NGLY1: variants seen among roughly 807,000 people sequenced by gnomAD.
The protein encoded by NGLY1 is peptide-N(4)-(N-acetyl-beta-glucosaminyl)asparagine amidase.
Under a neutral mutation model 84.6 loss-of-function variants are expected in NGLY1, and 68 were observed. The ratio of observed to expected loss-of-function variants is 0.80; its 90% confidence interval spans 0.66 to 0.98. The LOEUF is 0.98. Ranked by LOEUF, NGLY1 falls within the 50% of genes least tolerant of loss-of-function variation. The pLI, the probability that NGLY1 is intolerant of heterozygous loss-of-function variation, is 0.00. For missense variants in NGLY1, 779 were observed against 770.2 expected (o/e 1.01, Z -0.14); for synonymous variants, 280 against 275.2 (o/e 1.02, Z -0.17).
chr3:25,788,537 T>C (rs1328650846), intron 1 of NGLY1, among the ~76,000 whole-genome samples: 2 of 152,184 alleles, frequency 1.3e-5, no homozygotes, highest in African/African-American at 2.4e-5. Flanking sequence ...AAAATGATGG[T>C]CTTTTTATTT....
intron 9 of NGLY1, chr3:25,730,527 C>T (rs1011381523): frequency 1.3e-5 from 2 of 152,102 alleles, no homozygotes; most frequent in African/African-American, 2.4e-5. Context: ...TAAATAATAT[C>T]CATGTTTTAA....
At chr3:25,755,766 G>A (rs530462636) in intron 3 of NGLY1, 90 of 795,396 alleles carry the variant, frequency 1.1e-4, no homozygotes, top group African/African-American at 1.0e-3. Flanking sequence ...AGATCTTCTC[G>A]TTTTACCTTA....
At chr3:25,719,673 G>A in intron 11 of NGLY1, 38 bp from the exon 12 acceptor site, 1 of 1,558,318 alleles carries the variant, frequency 6.4e-7, no homozygotes, top group Non-Finnish European at 8.8e-7. Context: ...TTTTGCTTTT[G>A]GTAATTTAAA....
In NGLY1 at chr3:25,720,153, A is replaced by G. The variant is rs7632806; in HGVS notation, c.1650T>C (p.Tyr550=). 2 of 1,614,004 alleles carry G rather than the reference A, an allele frequency of 1.2e-6. No homozygotes were observed. The highest frequency in any genetic ancestry group is 1.7e-5 in the Admixed American group (1 of 60,016). ...LARKEGSSFA[Y]ISWKFECGSV... ...ACCCACACTCAAACTTCCAGGAAAT[A>G]TAAGCAAAAGATGATCCTTCCTTTC... The change falls in exon 11 of 12, where the codon TAT becomes TAC. Residue 550 remains tyrosine (Y), a synonymous_variant. Coordinates refer to ENST00000280700, the MANE Select transcript of NGLY1 (RefSeq NM_018297.4).
chr3:25,752,160 A>G (rs1220125725), intron 3 of NGLY1, among the ~76,000 whole-genome samples: 1 of 152,232 alleles, frequency 6.6e-6, no homozygotes, highest in African/African-American at 2.4e-5. Flanking sequence ...AAAAGTTTCA[A>G]TAGTACACTA....
chr3:25,764,601 A>C (rs965764431), intron 2 of NGLY1, among the ~76,000 whole-genome samples: 4 of 151,338 alleles, frequency 2.6e-5, no homozygotes, highest in African/African-American at 4.8e-5. Context: ...TCTTCTAGAA[A>C]CAATAAGTCA....
exon 1 of NGLY1, chr3:25,789,910 C>T: frequency 6.4e-7 from 1 of 1,551,548 alleles, no homozygotes; most frequent in Non-Finnish European, 8.7e-7. Context: ...CACTGAGGTT[C>T]CGAGAGGGGC....
chr3:25,719,726 A>C (rs1017075210), intron 11 of NGLY1, 91 bp from the exon 12 acceptor site: 7 of 944,458 alleles, frequency 7.4e-6, no homozygotes, highest in African/African-American at 1.7e-5. Context: ...AGGCTGATGT[A>C]TAAGTTAAAA....
chr3:25,747,371 A>C (rs896848947), intron 4 of NGLY1, among the ~76,000 whole-genome samples: 16 of 152,224 alleles, frequency 1.1e-4, no homozygotes, highest in South Asian at 8.3e-4. Flanking sequence ...AAAACTGTTA[A>C]TACAAGAAGA....
At chr3:25,753,904 T>G (rs1386260253) in intron 3 of NGLY1, among the ~76,000 whole-genome samples, 1 of 152,158 alleles carries the variant, frequency 6.6e-6, no homozygotes, top group Non-Finnish European at 1.5e-5. Context: ...CATTACCAAA[T>G]ACTTACATGT....
Position 25,783,220 on chromosome 3 carries a change from C to T in NGLY1, c.131+40G>A. The stretch of plus-strand genomic sequence containing the variant: ...TGGCCGAACAAGGTGCCGCGGCCCA[C>T]CCACCCCGGTACCCGCCGTCCGACC... On this transcript the variant is annotated intron_variant, in intron 1 of 11. Transcript: ENST00000280700. The surrounding 1 kb of genome is among the most constrained non-coding windows in gnomAD (Gnocchi z 4.5). 1 of 1,561,882 alleles carries T rather than the reference C, an allele frequency of 6.4e-7. No homozygotes were observed. The highest frequency in any genetic ancestry group is 8.8e-7 in the Non-Finnish European group (1 of 1,138,394).
chr3:25,768,836 C>A (rs937632910), intron 2 of NGLY1, among the ~76,000 whole-genome samples: 3 of 151,764 alleles, frequency 2.0e-5, no homozygotes, highest in African/African-American at 7.3e-5. Flanking sequence ...GCCACGGCGC[C>A]TGGCCTCATG....
intron 10 of NGLY1, 25 bp downstream of exon 10, chr3:25,729,108 T>C: frequency 7.3e-7 from 1 of 1,363,942 alleles, no homozygotes; most frequent in Non-Finnish European, 9.6e-7. Context: ...ACAAAAGTTT[T>C]AAATGGTTTT....
intron 6 of NGLY1, 84 bp from the exon 7 acceptor site, chr3:25,736,233 G>A (rs1705813289): frequency 3.8e-6 from 6 of 1,561,826 alleles, no homozygotes; most frequent in African/African-American, 2.7e-5. Flanking sequence ...AAACTCCTAA[G>A]AATCATAAAG....
chr3:25,725,719 G>A (rs1178578567), intron 10 of NGLY1, among the ~76,000 whole-genome samples: 6 of 152,054 alleles, frequency 3.9e-5, no homozygotes, highest in Non-Finnish European at 8.8e-5. Context: ...TTGGTCAGAG[G>A]TCTGAGTTGA....
At chr3:25,773,493 A>T (rs1249486935) in intron 2 of NGLY1, among the ~76,000 whole-genome samples, 1 of 151,882 alleles carries the variant, frequency 6.6e-6, no homozygotes, top group Admixed American at 6.6e-5. Flanking sequence ...TTTTATTTAT[A>T]CTATTTATTT....
rs76180231 is a variant in NGLY1, at chr3:25,778,727, C to A, written c.132-39G>T. ...AAAGTTTGATTATATATAAAAAAAACCAGGTCATAGTTCTTCAAAGACTTT... is the reference window on the plus strand; with the variant it reads ...AAAGTTTGATTATATATAAAAAAAAACAGGTCATAGTTCTTCAAAGACTTT... On this transcript the variant is annotated intron_variant, in intron 1 of 11. Transcript: ENST00000280700. 2.2e-3 allele frequency: 2,840 copies of A among 1,285,214 alleles called. 39 individuals carry two copies. The African/African-American group carries it at 0.034, about 15-fold the overall frequency. The allele number at this position is 1,285,214 out of a possible 1,614,324, so 79.6% of individuals were successfully genotyped here.
At position 25,763,486 on chromosome 3, in the gene NGLY1, C is replaced by T. The variant is rs926381619; in HGVS notation, c.492+580G>A. 5.3e-5 allele frequency among the ~76,000 whole-genome samples: 8 copies of T among 152,154 alleles called. No homozygotes were observed. The East Asian group carries it at 1.5e-3, about 29-fold the overall frequency. ...GTATTCAAAATGGAATGCACATGAT[C>T]TCAGGGAGGGGCATAAAAATCCATT... is the stretch of plus-strand genomic sequence containing the variant. On this transcript the variant is annotated intron_variant, in intron 3 of 11. Transcript: ENST00000280700.
At chr3:25,749,703 G>C (rs1706629861) in intron 4 of NGLY1, 1 of 1,583,868 alleles carries the variant, frequency 6.3e-7, no homozygotes, top group South Asian at 1.1e-5. Flanking sequence ...ATGCTGCCCA[G>C]TGGCTTCCAG....
Sources: allele counts gnomAD v4.1 joint callset (sites outside exome capture counted in the v4.1 genomes callset), GRCh38; gene constraint gnomAD v4.1.1; non-coding constraint Gnocchi (gnomAD v3.1); transcripts MANE v1.5; gene names NCBI Gene and HGNC (gene_info 2026-07-23, HGNC 2026-07-21).